The following TCF4 variants were observed in gnomAD, a reference collection of about 807,000 sequenced individuals.
TCF4 encodes transcription factor 4, also known as SL3-3 enhancer factor 2.
Under a neutral mutation model 82.1 loss-of-function variants are expected in TCF4, and 3 were observed. The ratio of observed to expected loss-of-function variants is 0.04; its 90% CI spans 0.02 to 0.09. The LOEUF (loss-of-function observed/expected upper bound fraction) is 0.09, where lower values mean the gene tolerates loss of function less well. TCF4 is among the 10% of genes least tolerant of loss of function. The probability of loss-of-function intolerance (pLI) is 1.00; values close to 1 mark genes in which losing one functional copy is unlikely to be tolerated. For missense variants in TCF4, 518 were observed against 852.7 expected (o/e 0.61, Z 4.89); for synonymous variants, 276 against 309.6 (o/e 0.89, Z 1.14).
rs534815291 is a variant in TCF4, at chr18:55,386,243, G to A, written c.369+17211C>T. ...ATCTGCTGAGTTCATTAGGGTTTGG[G>A]ACACACCTGTTCCCTCCTTTGCCAT... is the stretch of plus-strand genomic sequence containing the variant. On this transcript the variant is annotated intron_variant, in intron 6 of 19. Coordinates refer to ENST00000354452, the MANE Select transcript of TCF4 (RefSeq NM_001083962.2). Among the ~76,000 whole-genome samples the A allele has an allele frequency of 2.6e-5, 4 of 152,270 alleles. No homozygotes were observed. In the South Asian group the frequency reaches 6.2e-4, roughly 24 times the overall value.
chr18:55,326,044 C>T (rs2076498633), intron 8 of TCF4, among the ~76,000 whole-genome samples: 1 of 152,140 alleles, frequency 6.6e-6, no homozygotes, highest in South Asian at 2.1e-4. Flanking sequence ...TTATCATTCC[C>T]ACTTTAAAGA....
At chr18:55,317,656 C>A (rs556815020) in intron 8 of TCF4, among the ~76,000 whole-genome samples, 2 of 152,144 alleles carry the variant, frequency 1.3e-5, no homozygotes, top group South Asian at 2.1e-4. Context: ...ACTCTTCATA[C>A]CCCAATTTTC....
chr18:55,389,372 C>G (rs1466712539), intron 6 of TCF4, among the ~76,000 whole-genome samples: 1 of 152,160 alleles, frequency 6.6e-6, no homozygotes, highest in Admixed American at 6.5e-5. Flanking sequence ...AGCCTTTGCC[C>G]TTCTCTGGCT....
intron 8 of TCF4, among the ~76,000 whole-genome samples, chr18:55,349,013 C>T (rs931264245): frequency 4.2e-4 from 64 of 152,102 alleles, no homozygotes; most frequent in Non-Finnish European, 1.5e-4. Context: ...TAACTTCAAG[C>T]TTAAAATATG....
intron 6 of TCF4, among the ~76,000 whole-genome samples, chr18:55,391,586 C>A (rs1289934285): frequency 6.6e-6 from 1 of 151,898 alleles, no homozygotes; most frequent in Non-Finnish European, 1.5e-5. Context: ...CAGGTAAGCC[C>A]AAGTGGAACC....
At chr18:55,558,888 T>C (rs76969677) in intron 3 of TCF4, among the ~76,000 whole-genome samples, 2,101 of 152,178 alleles carry the variant, frequency 0.014, 22 homozygotes, top group Non-Finnish European at 0.024. Context: ...ATTGGTTGCC[T>C]GTGTGACTCT....
At chr18:55,381,805 T>C (rs1187647843) in intron 6 of TCF4, among the ~76,000 whole-genome samples, 1 of 152,208 alleles carries the variant, frequency 6.6e-6, no homozygotes, top group Non-Finnish European at 1.5e-5. Context: ...TTCTATCTAG[T>C]TCCTAGCTGA....
At chr18:55,452,328 T>C (rs2095640335) in intron 5 of TCF4, among the ~76,000 whole-genome samples, 2 of 152,240 alleles carry the variant, frequency 1.3e-5, no homozygotes, top group African/African-American at 2.4e-5. Context: ...ATTGTGTACA[T>C]ATTAAAAGAA....
chr18:55,330,951 G>A (rs73490824), intron 8 of TCF4, among the ~76,000 whole-genome samples: 3,160 of 152,188 alleles, frequency 0.021, 94 homozygotes, highest in African/African-American at 0.071. Flanking sequence ...AAATAACTAT[G>A]AGTTAAATTG....
chr18:55,612,435 G>T (rs2097707971), intron 2 of TCF4, among the ~76,000 whole-genome samples: 1 of 152,062 alleles, frequency 6.6e-6, no homozygotes, highest in Admixed American at 6.5e-5. Context: ...ATTGAGCAAA[G>T]TAATATGTTG....
chr18:55,593,992 G>A (rs910541380), intron 2 of TCF4, among the ~76,000 whole-genome samples: 3 of 152,158 alleles, frequency 2.0e-5, no homozygotes, highest in Admixed American at 6.5e-5. Context: ...TAACCAGCTA[G>A]GACCTCAATC....
intron 8 of TCF4, chr18:55,322,092 CTTTTTTTTTTT>C (rs2075665563): frequency 1.1e-6 from 1 of 920,774 alleles, no homozygotes; most frequent in Admixed American, 6.6e-5. Context: ...TTTTTCTTTT[CTTTTTTTTTTT>C]CCTTTTTTTT....
intron 3 of TCF4, among the ~76,000 whole-genome samples, chr18:55,511,403 A>T (rs775895313): frequency 2.0e-5 from 3 of 151,576 alleles, no homozygotes; most frequent in Admixed American, 2.0e-4. Flanking sequence ...TATTTTAATA[A>T]GGTATATGTT....
chr18:55,529,398 T>C (rs192452508), intron 3 of TCF4, among the ~76,000 whole-genome samples: 8 of 152,248 alleles, frequency 5.3e-5, no homozygotes, highest in African/African-American at 7.2e-5. Context: ...TTAAAAAATA[T>C]AGTGTGAATC....
chr18:55,635,843 T>C, exon 1 of TCF4: 11 of 1,564,868 alleles, frequency 7.0e-6, no homozygotes, highest in Admixed American at 1.9e-5. Flanking sequence ...ATGATGAAGA[T>C]GAAGGGAAAG....
chr18:55,273,625 T>C (rs2060850474), intron 10 of TCF4, among the ~76,000 whole-genome samples: 1 of 152,146 alleles, frequency 6.6e-6, no homozygotes, highest in Non-Finnish European at 1.5e-5. Context: ...CATTGCAAGA[T>C]AGCTTATTCA....
chr18:55,394,563 C>A (rs1057102392), intron 6 of TCF4, among the ~76,000 whole-genome samples: 5 of 152,026 alleles, frequency 3.3e-5, no homozygotes, highest in Non-Finnish European at 7.4e-5. Flanking sequence ...GGTGAAGTGC[C>A]GGGCGAAAGT....
chr18:55,345,364 A>G (rs1569110276), intron 8 of TCF4, among the ~76,000 whole-genome samples: 16 of 151,252 alleles, frequency 1.1e-4, no homozygotes. Context: ...CTGCACACAC[A>G]CAAAAATACT....
At chr18:55,502,608 A>AC (rs1191841975) in intron 3 of TCF4, among the ~76,000 whole-genome samples, 1 of 152,336 alleles carries the variant, frequency 6.6e-6, no homozygotes, top group South Asian at 2.1e-4. Context: ...AGTGGGGATT[A>AC]CAAAGCTAGA....
Sources: allele counts gnomAD v4.1 joint callset (sites outside exome capture counted in the v4.1 genomes callset), GRCh38; gene constraint gnomAD v4.1.1; transcripts MANE v1.5; gene names NCBI Gene and HGNC (gene_info 2026-07-23, HGNC 2026-07-21).